SRD5A2: variants seen among roughly 807,000 people sequenced by gnomAD.
SRD5A2 encodes the protein 3-oxo-5-alpha-steroid 4-dehydrogenase 2.
SRD5A2 carries 30 observed loss-of-function variants against 27.4 expected under a neutral mutation model. The observed-to-expected ratio is 1.10, with a 90% CI of 0.82 to 1.49. The LOEUF is 1.49. Among genes scored for constraint, SRD5A2 ranks in the 40% most tolerant of loss-of-function variants. The pLI is 0.00. For synonymous variants in SRD5A2, 141 were observed against 133.6 expected (o/e 1.06, Z -0.38); for missense variants, 348 against 323.4 (o/e 1.08, Z -0.58).
intron 1 of SRD5A2, among the ~76,000 whole-genome samples, chr2:31,561,180 C>A (rs1666615589): frequency 6.6e-6 from 1 of 152,132 alleles, no homozygotes; most frequent in Non-Finnish European, 1.5e-5. Context: ...AAAGAGCACA[C>A]CTGACTCCTC....
chr2:31,614,616 G>C, the SRD5A2 span, among the ~76,000 whole-genome samples: 3 of 152,284 alleles, frequency 2.0e-5, no homozygotes, highest in South Asian at 6.2e-4. Flanking sequence ...TCTTGTGTGG[G>C]GGCTTCAACC....
At chr2:31,564,906 G>A (rs1666698371) in intron 1 of SRD5A2, among the ~76,000 whole-genome samples, 1 of 151,840 alleles carries the variant, frequency 6.6e-6, no homozygotes, top group African/African-American at 2.4e-5. Flanking sequence ...CCTCAAAAAT[G>A]AAAAGCATCA....
chr2:31,659,849 A>C, the SRD5A2 span, among the ~76,000 whole-genome samples: 22 of 152,300 alleles, frequency 1.4e-4, 1 homozygote, highest in Non-Finnish European at 1.9e-4. Flanking sequence ...GAAATAAAAA[A>C]TGGTAATTCC....
chr2:31,607,981 C>T, the SRD5A2 span, among the ~76,000 whole-genome samples: 96 of 151,994 alleles, frequency 6.3e-4, 1 homozygote, highest in Admixed American at 4.3e-3. Context: ...AGAAGACAGC[C>T]ATCTACAGAA....
At chr2:31,554,947 G>GTGTGTGTGTGTGTGTGTT (rs1448264236) in intron 1 of SRD5A2, among the ~76,000 whole-genome samples, 1 of 149,842 alleles carries the variant, frequency 6.7e-6, no homozygotes, top group African/African-American at 2.4e-5. Context: ...GTGTGTGTGT[G>GTGTGTGTGTGTGTGTGTT]TGTGTGTGTG....
At chr2:31,656,866 T>A in the SRD5A2 span, among the ~76,000 whole-genome samples, 137 of 152,324 alleles carry the variant, frequency 9.0e-4, no homozygotes, top group Admixed American at 2.0e-3. Context: ...AAATGACACT[T>A]AACCTATATT....
chr2:31,599,055 T>C, the SRD5A2 span, among the ~76,000 whole-genome samples: 1 of 151,786 alleles, frequency 6.6e-6, no homozygotes, highest in Admixed American at 6.6e-5. Flanking sequence ...AGGCAAAAAT[T>C]CTAAGAGACA....
chr2:31,623,963 G>A, the SRD5A2 span, among the ~76,000 whole-genome samples: 1 of 152,090 alleles, frequency 6.6e-6, no homozygotes, highest in Non-Finnish European at 1.5e-5. Context: ...CAACTTGATC[G>A]TGTTGGATAA....
chr2:31,603,542 G>A, the SRD5A2 span, among the ~76,000 whole-genome samples: 1 of 151,982 alleles, frequency 6.6e-6, no homozygotes, highest in South Asian at 2.1e-4. Flanking sequence ...TCCATTACTG[G>A]ATATATATCC....
the SRD5A2 span, among the ~76,000 whole-genome samples, chr2:31,589,601 A>G: frequency 6.6e-6 from 1 of 152,184 alleles, no homozygotes; most frequent in African/African-American, 2.4e-5. Context: ...AGCCCAGGGA[A>G]ACCATTCCTG....
At chr2:31,585,025 A>C (rs2148110275), upstream of SRD5A2, among the ~76,000 whole-genome samples, 1 of 152,348 alleles carries the variant, frequency 6.6e-6, no homozygotes, top group East Asian at 1.9e-4. Flanking sequence ...GTGAGGCATT[A>C]AACTCAGTGT....
Position 31,523,218 on chromosome 2 carries a change from G to A in SRD5A2, c.*2978C>T. 4.6e-6 allele frequency: 1 copy of A among 215,408 alleles called. No individual in the cohort carries two copies. Among genetic ancestry groups the A allele is most frequent in the Non-Finnish European group, 9.4e-6 (1 of 106,794 alleles). 13.3% of individuals were successfully genotyped at this position (215,408 alleles called of 1,614,324 possible). On this transcript the variant is annotated 3_prime_UTR_variant, in exon 5 of 5. Transcript: ENST00000622030. ...GAAAACTCTCTATTCTGTCAAATAG[G>A]TTTATGAAAGGGCATGAGCCTGGTG... is the stretch of plus-strand genomic sequence containing the variant.
intron 1 of SRD5A2, among the ~76,000 whole-genome samples, chr2:31,564,682 G>A (rs1666693932): frequency 6.6e-6 from 1 of 151,986 alleles, no homozygotes; most frequent in Admixed American, 6.6e-5. Flanking sequence ...AGAGGACAAG[G>A]ATAAGGGCAA....
chr2:31,652,521 G>A, the SRD5A2 span, among the ~76,000 whole-genome samples: 1 of 152,032 alleles, frequency 6.6e-6, no homozygotes, highest in African/African-American at 2.4e-5. Context: ...TCAGAAAGAT[G>A]AGGAGGGATA....
chr2:31,647,735 G>C, the SRD5A2 span, among the ~76,000 whole-genome samples: 1 of 152,152 alleles, frequency 6.6e-6, no homozygotes, highest in Non-Finnish European at 1.5e-5. Flanking sequence ...AGAAGTAAAT[G>C]TGTATGTTAC....
At chr2:31,603,336 TA>T in the SRD5A2 span, among the ~76,000 whole-genome samples, 2 of 151,772 alleles carry the variant, frequency 1.3e-5, no homozygotes, top group Non-Finnish European at 2.9e-5. Flanking sequence ...GAAATGCAAA[TA>T]AAAACCACAG....
rs28383060 is a variant in SRD5A2 at position 31,530,009 on chromosome 2, C to T, written c.548-552G>A. ...TGTTTAAAGCAGAGAGTAGGAGCTG[C>T]AGGTATTTGTCCTGCTGTAGGCTGG... On this transcript the variant is annotated intron_variant, in intron 3 of 4. Transcript: ENST00000622030. 2.1e-3 allele frequency among the ~76,000 whole-genome samples: 327 copies of T among 152,246 alleles called. 2 individuals are homozygous for T. The highest frequency in any genetic ancestry group is 3.4e-3 in the Middle Eastern group (1 of 294).
chr2:31,643,179 C>T, the SRD5A2 span, among the ~76,000 whole-genome samples: 1 of 152,046 alleles, frequency 6.6e-6, no homozygotes, highest in Non-Finnish European at 1.5e-5. Context: ...ATGAAATTTA[C>T]CTCAAGGAAA....
chr2:31,602,466 A>G, the SRD5A2 span, among the ~76,000 whole-genome samples: 1 of 152,164 alleles, frequency 6.6e-6, no homozygotes, highest in Admixed American at 6.6e-5. Flanking sequence ...CAATATTGCG[A>G]AAATGGTCAT....
Sources: gnomAD v4.1 joint callset for allele counts (sites outside exome capture counted in the v4.1 genomes callset) on GRCh38, gnomAD v4.1.1 for gene constraint, MANE v1.5 for transcripts, NCBI Gene and HGNC (gene_info 2026-07-23, HGNC 2026-07-21) for gene names.